Variants in GLIS3 observed in about 807,000 individuals in gnomAD.
GLIS3 encodes GLIS family zinc finger 3, also known as zinc finger protein GLIS3.
GLIS3 carries 53 observed loss-of-function variants against 78.6 expected under a neutral mutation model. The observed-to-expected ratio is 0.67, with a 90% CI of 0.54 to 0.85. The LOEUF (loss-of-function observed/expected upper bound fraction) is 0.85, where lower values mean the gene tolerates loss of function less well. Among genes scored for constraint, GLIS3 ranks in the 40% least tolerant of loss-of-function variants. The probability of loss-of-function intolerance (pLI) is 0.00; values close to 1 mark genes in which losing one functional copy is unlikely to be tolerated. For synonymous variants in GLIS3, 684 were observed against 509.9 expected, an observed-to-expected ratio of 1.34 and a Z score of -4.60; for missense variants, 1,703 against 1,231.1, an observed-to-expected ratio of 1.38 and a Z score of -5.74.
At chr9:3,998,366 C>A (rs1451636743) in intron 4 of GLIS3, among the ~76,000 whole-genome samples, 1 of 152,114 alleles carries the variant, frequency 6.6e-6, no homozygotes, top group East Asian at 1.9e-4. Context: ...ATCACCAATT[C>A]ATTTAATAGA....
At chr9:4,251,194 T>C (rs553206431) in intron 2 of GLIS3, among the ~76,000 whole-genome samples, 1 of 152,322 alleles carries the variant, frequency 6.6e-6, no homozygotes, top group South Asian at 2.1e-4. Flanking sequence ...CTGTCTAATA[T>C]TGGCAGTGTG....
At chr9:4,315,387 C>T (rs181750611) in intron 2 of GLIS3, among the ~76,000 whole-genome samples, 1 of 152,172 alleles carries the variant, frequency 6.6e-6, no homozygotes, top group South Asian at 2.1e-4. Context: ...GGCCTGCTCA[C>T]TCAGTCCATG....
At chr9:4,098,606 C>A (rs2130788894) in intron 4 of GLIS3, among the ~76,000 whole-genome samples, 1 of 152,268 alleles carries the variant, frequency 6.6e-6, no homozygotes, top group Admixed American at 6.5e-5. Flanking sequence ...TACAACTGTG[C>A]CTTAAAACCA....
intron 1 of GLIS3, among the ~76,000 whole-genome samples, chr9:4,287,824 C>G (rs1282427712): frequency 6.6e-6 from 1 of 152,226 alleles, no homozygotes; most frequent in African/African-American, 2.4e-5. Context: ...CTAATTTTAA[C>G]TCAAGCACTC....
chr9:4,257,910 G>C (rs1037323341), intron 2 of GLIS3, among the ~76,000 whole-genome samples: 2 of 151,946 alleles, frequency 1.3e-5, no homozygotes, highest in African/African-American at 2.4e-5. Context: ...AAAATATCGT[G>C]TTTTACATTT....
chr9:4,336,862 G>C (rs775047506), intron 2 of GLIS3, among the ~76,000 whole-genome samples: 2 of 152,136 alleles, frequency 1.3e-5, no homozygotes, highest in Non-Finnish European at 2.9e-5. Context: ...GGTCTACAAA[G>C]TTATCTGTCA....
intron 4 of GLIS3, among the ~76,000 whole-genome samples, chr9:3,986,965 G>T (rs1017037076): frequency 2.0e-5 from 3 of 152,144 alleles, no homozygotes; most frequent in Non-Finnish European, 4.4e-5. Context: ...AGTAAAAAAA[G>T]ACAGTCAACT....
chr9:4,168,819 C>T (rs531970040), intron 2 of GLIS3, among the ~76,000 whole-genome samples: 1 of 152,232 alleles, frequency 6.6e-6, no homozygotes, highest in East Asian at 1.9e-4. Flanking sequence ...CAACAGACTC[C>T]ACAAAAATAG....
the GLIS3 span, among the ~76,000 whole-genome samples, chr9:4,357,443 C>T: frequency 1.3e-5 from 2 of 152,160 alleles, no homozygotes; most frequent in Admixed American, 1.3e-4. Flanking sequence ...TACACTATCG[C>T]TCTCCTGCTT....
chr9:4,131,594 A>C (rs1384812097), intron 2 of GLIS3, among the ~76,000 whole-genome samples: 3 of 152,168 alleles, frequency 2.0e-5, no homozygotes, highest in Non-Finnish European at 4.4e-5. Context: ...CAGCCATGTA[A>C]GATGTGACTG....
chr9:3,971,599 G>A (rs926767882), intron 4 of GLIS3, among the ~76,000 whole-genome samples: 2 of 152,126 alleles, frequency 1.3e-5, no homozygotes, highest in Non-Finnish European at 1.5e-5. Flanking sequence ...TGACTGCCAG[G>A]ATGCAAAGCT....
At chr9:4,293,674 C>A (rs1472992322) in intron 1 of GLIS3, among the ~76,000 whole-genome samples, 1 of 152,214 alleles carries the variant, frequency 6.6e-6, no homozygotes, top group Non-Finnish European at 1.5e-5. Context: ...CAATATTCAG[C>A]AGGCCTACAA....
At chr9:4,034,188 C>T (rs1433937882) in intron 4 of GLIS3, among the ~76,000 whole-genome samples, 3 of 152,066 alleles carry the variant, frequency 2.0e-5, no homozygotes, top group Admixed American at 1.3e-4. Flanking sequence ...ACCACTTGTG[C>T]TCCAACCTGG....
the GLIS3 span, among the ~76,000 whole-genome samples, chr9:4,446,144 G>A: frequency 6.6e-6 from 1 of 152,206 alleles, no homozygotes; most frequent in African/African-American, 2.4e-5. Flanking sequence ...GTTCTGGTCT[G>A]AATGTGTCCC....
At chr9:4,478,832 A>G in the GLIS3 span, among the ~76,000 whole-genome samples, 1 of 152,220 alleles carries the variant, frequency 6.6e-6, no homozygotes, top group African/African-American at 2.4e-5. Context: ...TGCTAAAACC[A>G]TATGTGAAGG....
chr9:4,279,858 G>C lies in GLIS3; in HGVS notation c.388+6180C>G, dbSNP rs1299797097. ...AAAGTCTGGTGAAGTAGGCTAAAGAGATATGACAACCAAAGGTAATATATG... is the reference window on the plus strand; with the variant it reads ...AAAGTCTGGTGAAGTAGGCTAAAGACATATGACAACCAAAGGTAATATATG... On this transcript the variant is annotated intron_variant, in intron 2 of 10. Coordinates refer to ENST00000381971, the MANE Select transcript of GLIS3 (RefSeq NM_001042413.2). 2.0e-5 allele frequency among the ~76,000 whole-genome samples: 3 copies of C among 150,122 alleles called. No homozygotes were observed. In the East Asian group the frequency reaches 5.9e-4, roughly 29 times the overall value.
chr9:4,114,307 A>T (rs1438286053), intron 4 of GLIS3, among the ~76,000 whole-genome samples: 2 of 152,054 alleles, frequency 1.3e-5, no homozygotes, highest in Non-Finnish European at 2.9e-5. Flanking sequence ...CTCAGGGTGC[A>T]CTCTGTTGGA....
the GLIS3 span, among the ~76,000 whole-genome samples, chr9:4,429,061 G>T: frequency 6.6e-6 from 1 of 152,132 alleles, no homozygotes; most frequent in Non-Finnish European, 1.5e-5. Flanking sequence ...TCTATCAGGT[G>T]GTACCATATA....
Position 4,234,696 on chromosome 9 carries a change from G to A in GLIS3, c.388+51342C>T, listed in dbSNP as rs116596652. Among the ~76,000 whole-genome samples the A allele has an allele frequency of 8.8e-3, 1,342 of 152,302 alleles. 23 individuals carry two copies. The highest frequency in any genetic ancestry group is 0.03 in the African/African-American group (1,229 of 41,556). ...CAATGCACTTACTCGATGCAGGTTT[G>A]CTACAAACCTTCAATTTGTCAAAAA... On this transcript the variant is annotated intron_variant, in intron 2 of 10. Coordinates refer to ENST00000381971, the MANE Select transcript of GLIS3 (RefSeq NM_001042413.2).
Sources: gnomAD v4.1 joint callset for allele counts (sites outside exome capture counted in the v4.1 genomes callset) on GRCh38, gnomAD v4.1.1 for gene constraint, MANE v1.5 for transcripts, NCBI Gene and HGNC (gene_info 2026-07-23, HGNC 2026-07-21) for gene names.